The following TMX4 variants were observed in gnomAD, a reference collection of about 807,000 sequenced individuals.
TMX4 encodes the protein thioredoxin related transmembrane protein 4.
In TMX4, 23 loss-of-function variants were observed where a neutral mutation model predicts 33.3. The ratio of observed to expected loss-of-function variants is 0.69; its 90% CI spans 0.50 to 0.98. The LOEUF (loss-of-function observed/expected upper bound fraction) is 0.98, where lower values mean the gene tolerates loss of function less well. TMX4 is among the 50% of genes least tolerant of loss of function. TMX4 has a pLI of 0.00. For missense variants in TMX4, 399 were observed against 448.9 expected, an observed-to-expected ratio of 0.89 and a Z score of 1.01; for synonymous variants, 164 against 161.5, an observed-to-expected ratio of 1.02 and a Z score of -0.12.
At position 7,982,577 on chromosome 20, in the gene TMX4, G is replaced by A; in HGVS notation, c.724C>T (p.Gln242Ter). Reference protein sequence around the residue: ...SEEAHRAEQLQDAEEEKDDSN... With the variant: ...SEEAHRAEQL ...TCATCTTTTTCCTCCTCCGCATCCTGCAACTGTTCAGCTCTATGAGCCTCC... is the reference window on the plus strand; with the variant it reads ...TCATCTTTTTCCTCCTCCGCATCCTACAACTGTTCAGCTCTATGAGCCTCC... Residue 242 changes from glutamine (Q) to a stop codon, truncating the protein, a stop_gained, in exon 8 of 8, where the codon CAG (glutamine) becomes TAG (stop). Transcript: ENST00000246024. LOFTEE classifies it low-confidence loss of function (END_TRUNC). 1 of 1,613,532 alleles carries A rather than the reference G, an allele frequency of 6.2e-7. No homozygotes were observed. Among genetic ancestry groups the A allele is most frequent in the Non-Finnish European group, 8.5e-7 (1 of 1,179,974 alleles).
chr20:8,013,307 A>G (rs1425211504), intron 1 of TMX4, among the ~76,000 whole-genome samples: 1 of 152,166 alleles, frequency 6.6e-6, no homozygotes, highest in Non-Finnish European at 1.5e-5. Context: ...CTTACACATA[A>G]TCCTTAAGAG....
In TMX4 at chr20:7,992,031, A is replaced by C. The variant is rs116908505; in HGVS notation, c.513+3995T>G. 5.3e-4 allele frequency among the ~76,000 whole-genome samples: 81 copies of C among 152,350 alleles called. No homozygotes were observed. The East Asian group carries it at 0.016, about 29-fold the overall frequency. ...CTTCTAATCCTAACTATGCCACCAGACTTGGCAGTGATGCTTCCTGAAGTT... is the reference window on the plus strand; with the variant it reads ...CTTCTAATCCTAACTATGCCACCAGCCTTGGCAGTGATGCTTCCTGAAGTT... On this transcript the variant is annotated intron_variant, in intron 5 of 7. Transcript: ENST00000246024.
rs781645831 is a variant in TMX4 at position 8,019,244 on chromosome 20, A to AC, written c.176+193dup. 1.3e-3 allele frequency: 803 copies of AC among 631,294 alleles called. 2 individuals are homozygous for AC. Among genetic ancestry groups the AC allele is most frequent in the Admixed American group, 3.2e-3 (78 of 24,112 alleles). The allele number at this position is 631,294 out of a possible 1,614,324, so 39.1% of individuals were successfully genotyped here. ...GGTCGTTGGTAAGGCGGGTCCGCGG[A>AC]CCCCAGGTCGAGCCCAGCGGCAGTG... On this transcript the variant is annotated intron_variant, in intron 1 of 7. Coordinates refer to ENST00000246024, the MANE Select transcript of TMX4 (RefSeq NM_021156.4).
chr20:8,007,010 G>A (rs183322039), intron 2 of TMX4, among the ~76,000 whole-genome samples: 85 of 152,150 alleles, frequency 5.6e-4, no homozygotes, highest in Non-Finnish European at 9.7e-4. Flanking sequence ...AAGTTGATCC[G>A]CTCGCCTCGG....
At chr20:8,001,031 T>C (rs1226638976) in intron 3 of TMX4, among the ~76,000 whole-genome samples, 2 of 152,196 alleles carry the variant, frequency 1.3e-5, no homozygotes, top group African/African-American at 2.4e-5. Context: ...TGGAATTCAC[T>C]ACTTTCTTTA....
At chr20:8,019,250 G>C in intron 1 of TMX4, 188 bp downstream of exon 1, 1 of 676,644 alleles carries the variant, frequency 1.5e-6, no homozygotes, top group Non-Finnish European at 2.3e-6. Context: ...GCGGACCCCA[G>C]GTCGAGCCCA....
At chr20:8,015,013 T>C (rs993018222) in intron 1 of TMX4, among the ~76,000 whole-genome samples, 3 of 151,810 alleles carry the variant, frequency 2.0e-5, no homozygotes, top group African/African-American at 7.2e-5. Context: ...TTTTTCTTTT[T>C]TTTTTTTTTA....
Position 8,019,664 on chromosome 20 carries a change from G to A in TMX4, c.-51C>T. 1 of 1,281,280 alleles carries A rather than the reference G, an allele frequency of 7.8e-7. No individual in the cohort carries two copies. Among genetic ancestry groups the A allele is most frequent in the Non-Finnish European group, 9.9e-7 (1 of 1,012,018 alleles). The allele number at this position is 1,281,280 out of a possible 1,614,324, so 79.4% of individuals were successfully genotyped here. A position where few individuals can be genotyped will look rare whatever the true frequency, so the allele number is the denominator to read the frequency against. On this transcript the variant is annotated 5_prime_UTR_variant, in exon 1 of 8. Transcript: ENST00000246024. ...GCGGGGAGTGTGGGGAAGGGCAGCG[G>A]CCGGCCCGCAGCCTCGCTCGCCCGC...
intron 1 of TMX4, among the ~76,000 whole-genome samples, chr20:8,018,344 A>AG (rs1568540884): frequency 1.3e-5 from 1 of 76,362 alleles, no homozygotes; most frequent in Non-Finnish European, 2.4e-5. Context: ...AGAGAGAGAG[A>AG]GGAGGGAGAG....
intron 6 of TMX4, 79 bp downstream of exon 6, chr20:7,987,209 T>C: frequency 4.8e-6 from 5 of 1,045,478 alleles, no homozygotes; most frequent in Non-Finnish European, 7.1e-6. Context: ...TATGTGCTTT[T>C]TCTTTCTTGG....
At position 7,980,788 on chromosome 20, in the gene TMX4, A is replaced by G. The variant is rs1364957337; in HGVS notation, c.*1463T>C. 1 of 152,248 alleles carries G rather than the reference A, an allele frequency of 6.6e-6. No individual in the cohort carries two copies. Among genetic ancestry groups the G allele is most frequent in the Admixed American group, 6.5e-5 (1 of 15,282 alleles). 9.4% of individuals were successfully genotyped at this position (152,248 alleles called of 1,614,324 possible). A position where few individuals can be genotyped will look rare whatever the true frequency, so the allele number is the denominator to read the frequency against. ...TCTTCATTCAACCACAGGAGGGCAGAGAGTTTCAGAACCTCCCCCACCAGT... is the reference window on the plus strand; with the variant it reads ...TCTTCATTCAACCACAGGAGGGCAGGGAGTTTCAGAACCTCCCCCACCAGT... On this transcript the variant is annotated 3_prime_UTR_variant, in exon 8 of 8. Coordinates refer to ENST00000246024, the MANE Select transcript of TMX4 (RefSeq NM_021156.4).
chr20:7,997,667 A>G (rs2050682487), intron 4 of TMX4, among the ~76,000 whole-genome samples: 1 of 152,244 alleles, frequency 6.6e-6, no homozygotes, highest in Non-Finnish European at 1.5e-5. Context: ...CAGGGGCAAG[A>G]CTTGCGTCAA....
At chr20:7,985,277 ATTTTTTTT>A (rs1214396295) in intron 6 of TMX4, among the ~76,000 whole-genome samples, 1,309 of 110,540 alleles carry the variant, frequency 0.012, 45 homozygotes, top group East Asian at 0.098. Flanking sequence ...ATATATATAT[ATTTTTTTT>A]TTTTTTGAGA....
In TMX4 at chr20:7,981,410, T is replaced by C. The variant is rs1426967381; in HGVS notation, c.*841A>G. The C allele has an allele frequency of 6.6e-6, 1 of 152,132 alleles. No individual in the cohort carries two copies. Among genetic ancestry groups the C allele is most frequent in the Admixed American group, 6.6e-5 (1 of 15,236 alleles). The allele number at this position is 152,132 out of a possible 1,614,324, so 9.4% of individuals were successfully genotyped here. On this transcript the variant is annotated 3_prime_UTR_variant, in exon 8 of 8. Transcript: ENST00000246024. ...CTTAAAAAAAAATCAACAACAACTATATTTTGGACAAAACAATTTTTTTTT... is the reference window on the plus strand; with the variant it reads ...CTTAAAAAAAAATCAACAACAACTACATTTTGGACAAAACAATTTTTTTTT...
intron 1 of TMX4, 92 bp downstream of exon 1, chr20:8,019,346 C>T (rs1225410699): frequency 2.5e-5 from 35 of 1,379,688 alleles, no homozygotes; most frequent in East Asian, 6.1e-5. Flanking sequence ...TGAGCCCAAG[C>T]GGCAATGCGG....
intron 6 of TMX4, among the ~76,000 whole-genome samples, chr20:7,985,275 A>G (rs867655305): frequency 1.0e-5 from 1 of 96,518 alleles, no homozygotes; most frequent in African/African-American, 5.5e-5. Context: ...ATATATATAT[A>G]TATTTTTTTT....
At position 8,019,452 on chromosome 20, in the gene TMX4, C is replaced by G; in HGVS notation, c.162G>C (p.Glu54Asp). 6.6e-7 allele frequency: 1 copy of G among 1,518,680 alleles called. No individual in the cohort carries two copies. 94.1% of individuals were successfully genotyped at this position (1,518,680 alleles called of 1,614,324 possible). A position where few individuals can be genotyped will look rare whatever the true frequency, so the allele number is the denominator to read the frequency against. Residue 54 changes from glutamate (E) to aspartate (D), a missense_variant, in exon 1 of 8, where the codon GAG (glutamate) becomes GAC (aspartate). Transcript: ENST00000246024. Reference protein sequence around the residue: ...ASNWTLVMEGEWMLKFYAPWC... With the variant: ...ASNWTLVMEGDWMLKFYAPWC... ...GGCACACTCACAATTTCAGCATCCA[C>G]TCGCCCTCCATCACCAGCGTCCAGT...
intron 2 of TMX4, among the ~76,000 whole-genome samples, chr20:8,005,387 C>T (rs1209646393): frequency 1.3e-5 from 2 of 152,208 alleles, no homozygotes; most frequent in Admixed American, 6.5e-5. Context: ...GCCCTTTCCT[C>T]GGCTTCTACA....
chr20:7,993,350 A>T (rs1390404062), intron 5 of TMX4, among the ~76,000 whole-genome samples: 1 of 152,186 alleles, frequency 6.6e-6, no homozygotes, highest in Non-Finnish European at 1.5e-5. Context: ...CATATGATCT[A>T]GACATGAGTT....
Sources: allele counts gnomAD v4.1 joint callset (sites outside exome capture counted in the v4.1 genomes callset), GRCh38; gene constraint gnomAD v4.1.1; transcripts MANE v1.5; gene names NCBI Gene and HGNC (gene_info 2026-07-23, HGNC 2026-07-21).